The following PVT1 variants were observed in gnomAD, a reference collection of about 807,000 sequenced individuals.
The protein encoded by PVT1 is CXCR4/PVT1 fusion.
At chr8:127,832,783 G>A (rs1016936311) in intron 2 of PVT1, among the ~76,000 whole-genome samples, 1 of 152,110 alleles carries the variant, frequency 6.6e-6, no homozygotes, top group Non-Finnish European at 1.5e-5. Flanking sequence ...GTGTGAACCC[G>A]GGAGGCGGAG....
intron 3 of PVT1, among the ~76,000 whole-genome samples, chr8:127,929,849 T>C (rs1275205720): frequency 1.3e-5 from 2 of 152,058 alleles, no homozygotes; most frequent in Admixed American, 1.3e-4. Context: ...ACTAAAGAGA[T>C]GTGAGAATTA....
At chr8:127,875,226 G>A (rs138422775) in intron 2 of PVT1, among the ~76,000 whole-genome samples, 28 of 152,188 alleles carry the variant, frequency 1.8e-4, no homozygotes, top group Admixed American at 1.8e-3. Flanking sequence ...TTCTTCCTCC[G>A]GGTGTTACGG....
chr8:127,899,780 G>A (rs1815735931), intron 3 of PVT1, among the ~76,000 whole-genome samples: 1 of 152,170 alleles, frequency 6.6e-6, no homozygotes, highest in African/African-American at 2.4e-5. Flanking sequence ...TCCCTCTTGT[G>A]CTGTGTGTGC....
At chr8:127,856,571 C>T (rs1815163121) in intron 2 of PVT1, among the ~76,000 whole-genome samples, 1 of 152,052 alleles carries the variant, frequency 6.6e-6, no homozygotes, top group African/African-American at 2.4e-5. Context: ...GAACTCCCGA[C>T]CTCAGGTGAT....
At chr8:127,843,783 G>A (rs1463943931) in intron 2 of PVT1, among the ~76,000 whole-genome samples, 5 of 151,720 alleles carry the variant, frequency 3.3e-5, no homozygotes, top group Non-Finnish European at 5.9e-5. Flanking sequence ...GGAATCCCTT[G>A]TCTTCCTGGG....
At chr8:128,069,775 T>TA (rs1813959729) in intron 4 of PVT1, among the ~76,000 whole-genome samples, 1 of 152,196 alleles carries the variant, frequency 6.6e-6, no homozygotes, top group Non-Finnish European at 1.5e-5. Context: ...CCGTAGCCAG[T>TA]AAGGATCAAG....
At chr8:127,911,682 C>G (rs1467121325) in intron 3 of PVT1, among the ~76,000 whole-genome samples, 2 of 152,246 alleles carry the variant, frequency 1.3e-5, no homozygotes, top group Non-Finnish European at 2.9e-5. Flanking sequence ...TCCAAAGGCA[C>G]AGTCATAGAA....
chr8:127,817,824 C>T (rs978524644), intron 2 of PVT1, among the ~76,000 whole-genome samples: 2 of 151,560 alleles, frequency 1.3e-5, no homozygotes, highest in African/African-American at 2.4e-5. Flanking sequence ...CCTGGGAGGT[C>T]GATGCTGCAG....
At chr8:127,877,884 C>T (rs988716354) in intron 2 of PVT1, among the ~76,000 whole-genome samples, 2 of 152,108 alleles carry the variant, frequency 1.3e-5, no homozygotes, top group African/African-American at 4.8e-5. Context: ...CATGATCACG[C>T]CACTGCACTC....
At chr8:128,045,929 T>C (rs1229634617) in intron 4 of PVT1, among the ~76,000 whole-genome samples, 1 of 152,218 alleles carries the variant, frequency 6.6e-6, no homozygotes, top group African/African-American at 2.4e-5. Context: ...TGATTTTGTC[T>C]GAAATGGGAC....
intron 3 of PVT1, among the ~76,000 whole-genome samples, chr8:127,893,744 T>C (rs1441578545): frequency 1.3e-5 from 2 of 152,190 alleles, no homozygotes; most frequent in Non-Finnish European, 2.9e-5. Context: ...TGGGCCTTAG[T>C]ACATTCATTC....
intron 3 of PVT1, among the ~76,000 whole-genome samples, chr8:127,915,070 C>T (rs1475820778): frequency 6.6e-6 from 1 of 151,896 alleles, no homozygotes; most frequent in Non-Finnish European, 1.5e-5. Context: ...GGTGATCCAC[C>T]CACCTCGGCC....
intron 3 of PVT1, among the ~76,000 whole-genome samples, chr8:127,955,656 C>G (rs1232665483): frequency 6.6e-6 from 1 of 152,012 alleles, no homozygotes; most frequent in East Asian, 1.9e-4. Flanking sequence ...AATCTCGGCC[C>G]ACTACAACCG....
intron 4 of PVT1, among the ~76,000 whole-genome samples, chr8:128,022,862 A>ATTT (rs57327175): frequency 2.5e-4 from 34 of 133,996 alleles, no homozygotes; most frequent in African/African-American, 8.4e-4. Flanking sequence ...GCAAGCTGAG[A>ATTT]TTTTTTTTTT....
rs150250117 is a variant in PVT1, at chr8:128,001,995, A to T, written n.912+12704A>T. Among the ~76,000 whole-genome samples, 21 of 152,310 alleles carry T rather than the reference A, an allele frequency of 1.4e-4. No homozygotes were observed. The East Asian group carries it at 2.9e-3, about 21-fold the overall frequency. ...CTATGAACTTTGGGGAGACACCGAC[A>T]TTCAGACTGTAGCAGCTCCCCAGCA... On this transcript the variant is annotated intron_variant and non_coding_transcript_variant, in intron 4 of 10. Transcript: ENST00000651587.
chr8:128,041,033 TG>T, intron 4 of PVT1, among the ~76,000 whole-genome samples: 1 of 92,194 alleles, frequency 1.1e-5, no homozygotes, highest in South Asian at 4.8e-4. Flanking sequence ...TGCTCGTGTG[TG>T]TTGAGTGCCT....
At chr8:127,879,800 C>A (rs1448599275) in intron 2 of PVT1, among the ~76,000 whole-genome samples, 1 of 152,220 alleles carries the variant, frequency 6.6e-6, no homozygotes, top group Non-Finnish European at 1.5e-5. Context: ...ATGCCACCTT[C>A]GACGGACAAT....
chr8:127,820,681 CCTCT>C lies in PVT1; in HGVS notation n.372+24613_372+24616del, dbSNP rs1214193679. On this transcript the variant is annotated intron_variant and non_coding_transcript_variant, in intron 2 of 10. Coordinates refer to ENST00000651587, the Ensembl canonical transcript of PVT1. ...GTGTGACTTTGGGCTGAGCAGTTGG[CCTCT>C]CTGAGTCTTAGGTTTTGTTTTTTTT... Among the ~76,000 whole-genome samples the C allele has an allele frequency of 3.9e-5, 6 of 152,050 alleles. No individual in the cohort carries two copies. The East Asian group carries it at 9.7e-4, about 25-fold the overall frequency.
Position 128,079,394 on chromosome 8 carries a change from C to G in PVT1, n.1114+9033C>G, listed in dbSNP as rs77144049. ...ATTCTCCTCTTCTCCCGTCATATCC[C>G]CTATTATTCGCATCTTGAATTAATA... On this transcript the variant is annotated intron_variant and non_coding_transcript_variant, in intron 5 of 10. Coordinates refer to ENST00000651587, the Ensembl canonical transcript of PVT1. Among the ~76,000 whole-genome samples the G allele has an allele frequency of 3.8e-3, 582 of 152,218 alleles. 2 individuals are homozygous for G. The highest frequency in any genetic ancestry group is 0.013 in the African/African-American group (560 of 41,514).
Sources: gnomAD v4.1 joint callset for allele counts (sites outside exome capture counted in the v4.1 genomes callset) on GRCh38, gnomAD v4.1.1 for gene constraint, MANE v1.5 for transcripts, NCBI Gene and HGNC (gene_info 2026-07-23, HGNC 2026-07-21) for gene names.